PHTF2: variants seen among roughly 807,000 people sequenced by gnomAD.
The protein encoded by PHTF2 is protein PHTF2.
A neutral mutation model predicts 101.2 loss-of-function variants in PHTF2; 60 were observed. The observed-to-expected ratio is 0.59, with a 90% confidence interval of 0.48 to 0.73. The LOEUF is 0.73. Ranked by LOEUF, PHTF2 falls within the 30% of genes least tolerant of loss-of-function variation. The probability of loss-of-function intolerance (pLI) is 0.00; values close to 1 mark genes in which losing one functional copy is unlikely to be tolerated. For synonymous variants in PHTF2, 311 were observed against 307.3 expected, an observed-to-expected ratio of 1.01 and a Z score of -0.13; for missense variants, 747 against 908.7, an observed-to-expected ratio of 0.82 and a Z score of 2.29.
At chr7:77,827,433 T>C (rs11543777) in intron 1 of PHTF2, among the ~76,000 whole-genome samples, 24,335 of 152,160 alleles carry the variant, frequency 0.16, 2,780 homozygotes, top group African/African-American at 0.32. Context: ...CGGCTCATCG[T>C]GACCTCTGCC....
intron 3 of PHTF2, among the ~76,000 whole-genome samples, chr7:77,866,502 C>T (rs936852043): frequency 9.9e-5 from 15 of 151,906 alleles, no homozygotes; most frequent in African/African-American, 7.2e-5. Flanking sequence ...TAACAAGTTA[C>T]GTAAAAGAGT....
intron 19 of PHTF2, 90 bp downstream of exon 18, chr7:77,953,984 A>G (rs910216422): frequency 9.9e-6 from 10 of 1,010,488 alleles, no homozygotes; most frequent in Non-Finnish European, 1.0e-5. Context: ...TAATGCGGTC[A>G]TTTTGGTAAG....
intron 1 of PHTF2, among the ~76,000 whole-genome samples, chr7:77,812,937 G>A (rs184157300): frequency 2.0e-5 from 3 of 152,248 alleles, no homozygotes; most frequent in East Asian, 1.9e-4. Flanking sequence ...GCAGAGTAAC[G>A]TGTTAAAAGG....
intron 8 of PHTF2, chr7:77,909,166 T>C: frequency 4.7e-6 from 2 of 422,316 alleles, no homozygotes; most frequent in Middle Eastern, 6.1e-4. Context: ...TGTGTTTTTG[T>C]TTCTTTTTTT....
At chr7:77,895,604 A>T (rs922715615) in intron 5 of PHTF2, among the ~76,000 whole-genome samples, 3 of 152,100 alleles carry the variant, frequency 2.0e-5, no homozygotes, top group Non-Finnish European at 2.9e-5. Context: ...TATATAAATA[A>T]TTTTTTTAGT....
chr7:77,940,323 C>A, intron 14 of PHTF2, 21 bp downstream of exon 13: 2 of 1,546,492 alleles, frequency 1.3e-6, no homozygotes, highest in South Asian at 1.2e-5. Context: ...TGTAGACTTC[C>A]GAATAAGAAT....
At chr7:77,940,863 A>G (rs1241612816) in intron 15 of PHTF2, among the ~76,000 whole-genome samples, 1 of 152,222 alleles carries the variant, frequency 6.6e-6, no homozygotes, top group Admixed American at 6.5e-5. Flanking sequence ...TTTAAAAAAA[A>G]TAACCAATGA....
intron 3 of PHTF2, among the ~76,000 whole-genome samples, chr7:77,868,648 T>G (rs1283198059): frequency 6.6e-6 from 1 of 152,176 alleles, no homozygotes; most frequent in Admixed American, 6.5e-5. Context: ...CTACTAAGAA[T>G]AGCAATTTCC....
intron 5 of PHTF2, 133 bp from the exon 5 acceptor site, chr7:77,900,578 A>C: frequency 1.5e-6 from 1 of 650,330 alleles, no homozygotes; most frequent in South Asian, 1.7e-5. Context: ...GTTTGTAACA[A>C]ATGCATAATG....
At chr7:77,897,381 C>G (rs1030590534) in intron 5 of PHTF2, among the ~76,000 whole-genome samples, 1 of 144,418 alleles carries the variant, frequency 6.9e-6, no homozygotes, top group Non-Finnish European at 1.5e-5. Context: ...GTGTTTGAGT[C>G]ATTTCACTAT....
chr7:77,945,526 G>A (rs1805976409), intron 16 of PHTF2, among the ~76,000 whole-genome samples: 1 of 148,938 alleles, frequency 6.7e-6, no homozygotes, highest in Non-Finnish European at 1.5e-5. Flanking sequence ...CACAATATCT[G>A]GCTGTCGTAT....
chr7:77,822,625 C>G (rs1180494212), intron 1 of PHTF2, among the ~76,000 whole-genome samples: 1 of 152,140 alleles, frequency 6.6e-6, no homozygotes, highest in Non-Finnish European at 1.5e-5. Context: ...TTCTGCTTAC[C>G]TTTTCCCTGA....
intron 3 of PHTF2, among the ~76,000 whole-genome samples, chr7:77,877,237 T>C (rs2150737394): frequency 6.6e-6 from 1 of 151,694 alleles, no homozygotes; most frequent in African/African-American, 2.4e-5. Flanking sequence ...TGCTTCAGCC[T>C]CCTGAGTTGC....
At chr7:77,870,036 G>T (rs531572740) in intron 3 of PHTF2, among the ~76,000 whole-genome samples, 3 of 152,084 alleles carry the variant, frequency 2.0e-5, no homozygotes, top group Admixed American at 6.5e-5. Context: ...CATTCTGCAG[G>T]TTGTCTCTTC....
At chr7:77,861,030 T>C (rs1774045955) in intron 3 of PHTF2, among the ~76,000 whole-genome samples, 1 of 152,202 alleles carries the variant, frequency 6.6e-6, no homozygotes, top group Non-Finnish European at 1.5e-5. Context: ...ATTGGACATT[T>C]CTATATCAGT....
In PHTF2 at chr7:77,880,887, G is replaced by C. The variant is rs576816640; in HGVS notation, c.148-12721G>C. On this transcript the variant is annotated intron_variant, in intron 3 of 19. Transcript: ENST00000416283. ...GAGTATGTGTGGATATTTAAATTCC[G>C]CTCCTGATCCTGGACTTTTGAACCT... Among the ~76,000 whole-genome samples the C allele has an allele frequency of 4.6e-5, 7 of 152,230 alleles. No individual in the cohort carries two copies. The South Asian group carries it at 1.5e-3, about 32-fold the overall frequency.
At chr7:77,905,605 C>A (rs558105211) in intron 7 of PHTF2, among the ~76,000 whole-genome samples, 1 of 152,138 alleles carries the variant, frequency 6.6e-6, no homozygotes, top group Admixed American at 6.5e-5. Flanking sequence ...CTCAATCATT[C>A]CTCCTACCTC....
intron 7 of PHTF2, among the ~76,000 whole-genome samples, chr7:77,905,617 A>G (rs1235785777): frequency 4.6e-5 from 7 of 150,880 alleles, no homozygotes; most frequent in Non-Finnish European, 1.0e-4. Context: ...TCCTACCTCT[A>G]CCTCCATAGC....
intron 1 of PHTF2, among the ~76,000 whole-genome samples, chr7:77,801,266 C>G (rs1792527322): frequency 6.6e-6 from 1 of 152,170 alleles, no homozygotes; most frequent in East Asian, 1.9e-4. Flanking sequence ...CAAGATGATG[C>G]CACAAGACAC....
Sources: gnomAD v4.1 joint callset for allele counts (sites outside exome capture counted in the v4.1 genomes callset) on GRCh38, gnomAD v4.1.1 for gene constraint, MANE v1.5 for transcripts, NCBI Gene and HGNC (gene_info 2026-07-23, HGNC 2026-07-21) for gene names.